Variants in WDR24 observed in about 807,000 individuals in gnomAD.
WDR24 encodes the protein GATOR2 complex protein WDR24.
In WDR24, 32 loss-of-function variants were observed where a neutral mutation model predicts 66.7. The observed-to-expected ratio is 0.48, with a 90% CI of 0.36 to 0.64. The LOEUF is 0.64. WDR24 is among the 30% of genes least tolerant of loss of function. The probability of loss-of-function intolerance (pLI) is 0.00; values close to 1 mark genes in which losing one functional copy is unlikely to be tolerated. For missense variants in WDR24, 978 were observed against 1,144.1 expected (o/e 0.85, Z 2.09); for synonymous variants, 565 against 469.1 (o/e 1.20, Z -2.64).
In WDR24 at chr16:684,660, C is replaced by T. The variant is rs1198286332; in HGVS notation, c.*74G>A. 6 of 1,478,094 alleles carry T rather than the reference C, an allele frequency of 4.1e-6. No individual in the cohort carries two copies. The highest frequency in any genetic ancestry group is 1.3e-5 in the South Asian group (1 of 74,900). The allele number at this position is 1,478,094 out of a possible 1,614,324, so 91.6% of individuals were successfully genotyped here. On this transcript the variant is annotated 3_prime_UTR_variant, in exon 9 of 9. Coordinates refer to ENST00000293883, the MANE Select transcript of WDR24 (RefSeq NM_032259.4). ...CTTTATTGAGGTCTCAAGTTCCAGC[C>T]TCCGCCCGTCTCGGGCACAAGACCA...
At position 684,658 on chromosome 16, in the gene WDR24, G is replaced by A; in HGVS notation, c.*76C>T. 2.0e-6 allele frequency: 3 copies of A among 1,475,988 alleles called. No homozygotes were observed. Among genetic ancestry groups the A allele is most frequent in the Non-Finnish European group, 2.7e-6 (3 of 1,114,804 alleles). The allele number at this position is 1,475,988 out of a possible 1,614,324, so 91.4% of individuals were successfully genotyped here. ...TCCTTTATTGAGGTCTCAAGTTCCAGCCTCCGCCCGTCTCGGGCACAAGAC... is the reference window on the plus strand; with the variant it reads ...TCCTTTATTGAGGTCTCAAGTTCCAACCTCCGCCCGTCTCGGGCACAAGAC... On this transcript the variant is annotated 3_prime_UTR_variant, in exon 9 of 9. Transcript: ENST00000293883.
rs540088163 is a variant in WDR24, at chr16:690,062, G to A, written c.-422C>T. ...CGAGGAGACTCCCGCCGTCCACACT[G>A]TCAGCCCTGAGGGCGGCGGGGCTCT... On this transcript the variant is annotated 5_prime_UTR_variant, in exon 1 of 9. Transcript: ENST00000293883. 40 of 469,434 alleles carry A rather than the reference G, an allele frequency of 8.5e-5. No homozygotes were observed. In the East Asian group the frequency reaches 2.5e-3, roughly 30 times the overall value. The allele number at this position is 469,434 out of a possible 1,614,324, so 29.1% of individuals were successfully genotyped here.
rs370832813 is a variant in WDR24, at chr16:685,199, G to C, written c.2020-23C>G. On this transcript the variant is annotated intron_variant, in intron 7 of 8. Coordinates refer to ENST00000293883, the MANE Select transcript of WDR24 (RefSeq NM_032259.4). Reference sequence around the variant, plus strand: ...CTCCTGGGGGAGGGAGCGCCCGGCAGTCAGGATCTGGGTGCCAGGGGCGGC... The same window carrying C: ...CTCCTGGGGGAGGGAGCGCCCGGCACTCAGGATCTGGGTGCCAGGGGCGGC... 2.8e-5 allele frequency: 44 copies of C among 1,597,872 alleles called. No homozygotes were observed. The African/African-American group carries it at 5.9e-4, about 21-fold the overall frequency.
rs754206950 is a variant in WDR24 at position 686,004 on chromosome 16, G to A, written c.1452-14C>T. 11 of 1,612,848 alleles carry A rather than the reference G, an allele frequency of 6.8e-6. No homozygotes were observed. The highest frequency in any genetic ancestry group is 9.3e-6 in the Non-Finnish European group (11 of 1,179,958). On this transcript the variant is annotated splice_polypyrimidine_tract_variant and intron_variant, in intron 4 of 8. Coordinates refer to ENST00000293883, the MANE Select transcript of WDR24 (RefSeq NM_032259.4). The stretch of plus-strand genomic sequence containing the variant: ...TTCAGGTTGAAACTGGGGGCAGGAA[G>A]GGCCCATGGGTGGGTGGGCTCGAGC...
chr16:685,869 C>G lies in WDR24; in HGVS notation c.1573G>C (p.Asp525His). The stretch of plus-strand genomic sequence containing the variant: ...AGCACCCCTACCCACCCCAGCCTAC[C>G]CTCATTGGTGATGAGTGTGGCCGAG... ...DSSATLITNE[D>H]NEETEGSDVP... The change falls in exon 5 of 9, where the codon GAT (aspartate) becomes CAT (histidine). Residue 525 changes from aspartate (D) to histidine (H), a missense_variant and splice_region_variant. Around this residue, in one of 2 missense-constraint regions of WDR24, gnomAD observed 676 missense variants for 617.5 expected, o/e 1.09. Transcript: ENST00000293883. 6.2e-7 allele frequency: 1 copy of G among 1,613,176 alleles called. No homozygotes were observed. Among genetic ancestry groups the G allele is most frequent in the Admixed American group, 1.7e-5 (1 of 60,026 alleles).
intron 6 of WDR24, 38 bp from the exon 7 acceptor site, chr16:685,635 C>T: frequency 1.2e-6 from 2 of 1,610,846 alleles, no homozygotes; most frequent in South Asian, 1.1e-5. Context: ...TGAGTCTGTC[C>T]TCCATCCGCC....
At position 689,325 on chromosome 16, in the gene WDR24, G is replaced by C; in HGVS notation, c.316C>G (p.Arg106Gly). 6.2e-7 allele frequency: 1 copy of C among 1,613,790 alleles called. No homozygotes were observed. Among genetic ancestry groups the C allele is most frequent in the South Asian group, 1.1e-5 (1 of 91,078 alleles). Residue 106 changes from arginine (R) to glycine (G), a missense_variant, in exon 1 of 9, where the codon CGG becomes GGG. Coordinates refer to ENST00000293883, the MANE Select transcript of WDR24 (RefSeq NM_032259.4). Reference protein sequence around the residue: ...NGVVVTWNLGRPSRNKQDQLF... With the variant: ...NGVVVTWNLGGPSRNKQDQLF... The stretch of plus-strand genomic sequence containing the variant: ...TGGTCCTGCTTGTTGCGGGATGGCC[G>C]GCCCAGGTTCCACGTGACCACCACG...
At chr16:688,151 C>T in intron 1 of WDR24, 1 of 447,762 alleles carries the variant, frequency 2.2e-6, no homozygotes, top group South Asian at 1.6e-5. Context: ...CCAGTCCCTT[C>T]ACCTGGAGCT....
At position 686,782 on chromosome 16, in the gene WDR24, G is replaced by A; in HGVS notation, c.1294C>T (p.His432Tyr). ...AGRPLAELCDHNAKVARELGR... is the reference protein window; with the variant it reads ...AGRPLAELCDYNAKVARELGR... Reference sequence around the variant, plus strand: ...AGCTCTCGAGCCACCTTTGCGTTGTGGTCACAGAGCTCGGCCAGTGGCCGG... The same window carrying A: ...AGCTCTCGAGCCACCTTTGCGTTGTAGTCACAGAGCTCGGCCAGTGGCCGG... The change falls in exon 3 of 9, where the codon CAC (histidine) becomes TAC (tyrosine). Residue 432 changes from histidine (H) to tyrosine (Y), a missense_variant. Physicochemically the swap from His to Tyr is moderately conservative, Grantham distance 83. Coordinates refer to ENST00000293883, the MANE Select transcript of WDR24 (RefSeq NM_032259.4). 1 of 1,609,036 alleles carries A rather than the reference G, an allele frequency of 6.2e-7. No individual in the cohort carries two copies. The highest frequency in any genetic ancestry group is 8.5e-7 in the Non-Finnish European group (1 of 1,176,986).
In WDR24 at chr16:689,539, C is replaced by T. The variant is rs1174051961; in HGVS notation, c.102G>A (p.Val34=). 1 of 1,613,242 alleles carries T rather than the reference C, an allele frequency of 6.2e-7. No individual in the cohort carries two copies. ...CGACCACCTGGGCTGCGTCGCGGCA[C>T]ACACTGATGGCATTGGCGGGAGCAT... ...HLDAPANAIS[V]CRDAAQVVVA... The change falls in exon 1 of 9, where the codon GTG becomes GTA. Residue 34 remains valine, a synonymous_variant. Transcript: ENST00000293883.
rs373732528 is a variant in WDR24, at chr16:687,616, A to G, written c.605T>C (p.Met202Thr). ...DIRRPDRCER[M>T]FTAHNGPVFC... is the part of the protein sequence containing the mutation. ...GACGGGTCCGTTGTGGGCTGTGAAC[A>G]TCCTCTCGCACCGGTCGGGACGCCG... The change falls in exon 2 of 9, where the codon ATG becomes ACG. Residue 202 changes from methionine (M) to threonine (T), a missense_variant. Met to Thr is a moderately conservative substitution (Grantham distance 81, BLOSUM62 -1). Around this residue, in one of 2 missense-constraint regions of WDR24, gnomAD observed 302 missense variants for 526.6 expected, o/e 0.57. Transcript: ENST00000293883. 1.2e-6 allele frequency: 2 copies of G among 1,613,360 alleles called. No individual in the cohort carries two copies. The highest frequency in any genetic ancestry group is 2.7e-5 in the African/African-American group (2 of 74,936).
In WDR24 at chr16:684,913, G is replaced by A; in HGVS notation, c.2205-11C>T. 6.5e-7 allele frequency: 1 copy of A among 1,537,318 alleles called. No individual in the cohort carries two copies. Among genetic ancestry groups the A allele is most frequent in the Non-Finnish European group, 8.7e-7 (1 of 1,142,918 alleles). The stretch of plus-strand genomic sequence containing the variant: ...GCGCAGCGGTGGCACCTGGGGGCGG[G>A]CGGGAGGGAGGGTGCCTCAGCGGGG... On this transcript the variant is annotated splice_polypyrimidine_tract_variant and intron_variant, in intron 8 of 8. Coordinates refer to ENST00000293883, the MANE Select transcript of WDR24 (RefSeq NM_032259.4).
rs747168533 is a variant in WDR24, at chr16:686,213, G to C, written c.1333-27C>G. On this transcript the variant is annotated intron_variant, in intron 3 of 8. Coordinates refer to ENST00000293883, the MANE Select transcript of WDR24 (RefSeq NM_032259.4). ...TAGGGGCGGGCACTGGTCACTTGTG[G>C]GCGTCCTGGACACCCAGCACCCCAT... is the stretch of plus-strand genomic sequence containing the variant. 2.5e-6 allele frequency: 4 copies of C among 1,609,026 alleles called. No individual in the cohort carries two copies. In the East Asian group the frequency reaches 8.9e-5, roughly 36 times the overall value.
Position 685,713 on chromosome 16 carries a change from G to C in WDR24, c.1644C>G (p.Asp548Glu). Reference sequence around the variant, plus strand: ...GTTCCGGATCCAGCAGGTACAGCTCGTCCTCCTCACCTTCCACGTCACCCA... The same window carrying C: ...GTTCCGGATCCAGCAGGTACAGCTCCTCCTCCTCACCTTCCACGTCACCCA... ...YLLGDVEGEE[D>E]ELYLLDPEHA... Residue 548 changes from aspartate to glutamate, a missense_variant, in exon 6 of 9, where the codon GAC (aspartate) becomes GAG (glutamate). Around this residue, in one of 2 missense-constraint regions of WDR24, gnomAD observed 676 missense variants for 617.5 expected, o/e 1.09. Transcript: ENST00000293883. 6.2e-7 allele frequency: 1 copy of C among 1,613,226 alleles called. No homozygotes were observed. The highest frequency in any genetic ancestry group is 8.5e-7 in the Non-Finnish European group (1 of 1,180,008).
intron 1 of WDR24, chr16:688,167 T>C (rs1415219750): frequency 2.3e-6 from 1 of 439,476 alleles, no homozygotes; most frequent in African/African-American, 2.0e-5. Context: ...GAGCTGGAAC[T>C]GCCTGGTCAG....
At position 689,435 on chromosome 16, in the gene WDR24, C is replaced by T. The variant is rs2039943247; in HGVS notation, c.206G>A (p.Arg69His). The T allele has an allele frequency of 1.2e-6, 2 of 1,613,584 alleles. No individual in the cohort carries two copies. Among genetic ancestry groups the T allele is most frequent in the Non-Finnish European group, 1.7e-6 (2 of 1,179,974 alleles). ...ACAGCTCAGGTTAAGCGAAGGCTTG[C>T]GCCCCACACGCAGGTTCAGCTTTTC... Reference protein sequence around the residue: ...FVEKLNLRVGRKPSLNLSCAD... With the variant: ...FVEKLNLRVGHKPSLNLSCAD... Residue 69 changes from arginine (R) to histidine (H), a missense_variant, in exon 1 of 9, where the codon CGC becomes CAC. Around this residue, in one of 2 missense-constraint regions of WDR24, gnomAD observed 302 missense variants for 526.6 expected, o/e 0.57. Coordinates refer to ENST00000293883, the MANE Select transcript of WDR24 (RefSeq NM_032259.4).
chr16:684,624 G>A lies in WDR24; in HGVS notation c.*110C>T, dbSNP rs2039860593. On this transcript the variant is annotated 3_prime_UTR_variant, in exon 9 of 9. Transcript: ENST00000293883. ...TGGGGTGACACGCAGTGCCGACAGC[G>A]GCTCTACTTCCTTTATTGAGGTCTC... 4.2e-6 allele frequency: 6 copies of A among 1,439,502 alleles called. No homozygotes were observed. Among genetic ancestry groups the A allele is most frequent in the African/African-American group, 1.4e-5 (1 of 69,408 alleles). The allele number at this position is 1,439,502 out of a possible 1,614,324, so 89.2% of individuals were successfully genotyped here.
chr16:687,429 G>T lies in WDR24; in HGVS notation c.660-13C>A. ...GGCCAACCAGCCCCTGTGGGAAGAA[G>T]GTCCACCCAAACCCTCAGTGGCCTT... On this transcript the variant is annotated splice_polypyrimidine_tract_variant and intron_variant, in intron 2 of 8. Coordinates refer to ENST00000293883, the MANE Select transcript of WDR24 (RefSeq NM_032259.4). 6.3e-7 allele frequency: 1 copy of T among 1,578,332 alleles called. No homozygotes were observed. The highest frequency in any genetic ancestry group is 8.6e-7 in the Non-Finnish European group (1 of 1,162,574).
At position 689,815 on chromosome 16, in the gene WDR24, C is replaced by T. The variant is rs1468824522; in HGVS notation, c.-175G>A. 9.6e-7 allele frequency: 1 copy of T among 1,040,072 alleles called. No homozygotes were observed. Among genetic ancestry groups the T allele is most frequent in the Admixed American group, 2.0e-5 (1 of 49,148 alleles). 64.4% of individuals were successfully genotyped at this position (1,040,072 alleles called of 1,614,324 possible). A position where few individuals can be genotyped will look rare whatever the true frequency, so the allele number is the denominator to read the frequency against. On this transcript the variant is annotated 5_prime_UTR_variant, in exon 1 of 9. Coordinates refer to ENST00000293883, the MANE Select transcript of WDR24 (RefSeq NM_032259.4). ...CAGGGCTGTCTATCAGCCAATCAGC[C>T]TGACAGGCAAGCTCAAATTCACTGG...
Sources: gnomAD v4.1 joint callset for allele counts on GRCh38, gnomAD v4.1.1 for gene constraint, gnomAD v4.1.1 regional missense constraint, MANE v1.5 for transcripts, NCBI Gene and HGNC (gene_info 2026-07-23, HGNC 2026-07-21) for gene names.